ZNF506: variants seen among roughly 807,000 people sequenced by gnomAD.
The protein encoded by ZNF506 is zinc finger protein 506.
A neutral mutation model predicts 11.6 loss-of-function variants in ZNF506; 10 were observed. The observed-to-expected ratio is 0.86, with a 90% CI of 0.53 to 1.46. The LOEUF (loss-of-function observed/expected upper bound fraction) is 1.46. Among genes scored for constraint, ZNF506 ranks in the 40% most tolerant of loss-of-function variants. The probability of loss-of-function intolerance (pLI) is 0.00; values close to 1 mark genes in which losing one functional copy is unlikely to be tolerated. For missense variants in ZNF506, 425 were observed against 521.2 expected (o/e 0.82, Z 1.80); for synonymous variants, 156 against 173.3 (o/e 0.90, Z 0.78).
In ZNF506 at chr19:19,806,922, T is replaced by G; in HGVS notation, c.130+20A>C. ...ACCTTTAGAGTAATATTATGAATTA[T>G]GTACTCAAGTTATCCTCACCAAGGA... On this transcript the variant is annotated intron_variant, in intron 2 of 3. Coordinates refer to ENST00000540806, the MANE Select transcript of ZNF506 (RefSeq NM_001099269.3). 6.2e-7 allele frequency: 1 copy of G among 1,606,798 alleles called. No homozygotes were observed. Among genetic ancestry groups the G allele is most frequent in the Non-Finnish European group, 8.5e-7 (1 of 1,177,664 alleles).
intron 1 of ZNF506, among the ~76,000 whole-genome samples, chr19:19,811,883 C>G (rs2062886252): frequency 6.6e-6 from 1 of 152,124 alleles, no homozygotes. Flanking sequence ...CTAAATAAAG[C>G]CCAAGATTTT....
intron 2 of ZNF506, 90 bp downstream of exon 2, chr19:19,806,852 A>G: frequency 6.8e-7 from 1 of 1,472,660 alleles, no homozygotes. Flanking sequence ...TCTTGTATGC[A>G]AAGAATAAAT....
chr19:19,815,596 A>G (rs1432410926), intron 1 of ZNF506, among the ~76,000 whole-genome samples: 2 of 152,162 alleles, frequency 1.3e-5, no homozygotes, highest in Non-Finnish European at 2.9e-5. Context: ...TTCTGGCACC[A>G]TATCTGTAGA....
intron 1 of ZNF506, among the ~76,000 whole-genome samples, chr19:19,818,376 A>G (rs529832508): frequency 9.2e-5 from 14 of 152,342 alleles, no homozygotes; most frequent in African/African-American, 3.4e-4. Flanking sequence ...TGATGTTTTG[A>G]CGATCTATAT....
intron 3 of ZNF506, among the ~76,000 whole-genome samples, chr19:19,800,888 C>T (rs1002130799): frequency 1.6e-4 from 24 of 151,970 alleles, no homozygotes; most frequent in Non-Finnish European, 1.0e-4. Flanking sequence ...AGGCTGGGAG[C>T]GGTGGCTCGC....
chr19:19,815,048 G>C (rs1162495242), intron 1 of ZNF506, among the ~76,000 whole-genome samples: 1 of 152,140 alleles, frequency 6.6e-6, no homozygotes, highest in Non-Finnish European at 1.5e-5. Flanking sequence ...ACGAGGTCAG[G>C]AGATCGAGAC....
intron 1 of ZNF506, among the ~76,000 whole-genome samples, chr19:19,812,223 C>T (rs1368490225): frequency 1.3e-5 from 2 of 152,236 alleles, no homozygotes; most frequent in African/African-American, 4.8e-5. Context: ...GTCAGCCTGA[C>T]ACAATTCTGC....
chr19:19,796,973 T>C (rs1173565307), intron 3 of ZNF506: 1 of 152,160 alleles, frequency 6.6e-6, no homozygotes, highest in African/African-American at 2.4e-5. Flanking sequence ...GACGATTGAT[T>C]TTCAGACTAT....
At chr19:19,796,335 A>G (rs2062740694) in intron 3 of ZNF506, 1 of 152,150 alleles carries the variant, frequency 6.6e-6, no homozygotes, top group East Asian at 1.9e-4. Flanking sequence ...TTTAAAAAAC[A>G]AGAAAAGTAT....
chr19:19,803,664 A>G (rs2062812658), intron 3 of ZNF506, among the ~76,000 whole-genome samples: 1 of 152,172 alleles, frequency 6.6e-6, no homozygotes, highest in South Asian at 2.1e-4. Context: ...CTTCACTACA[A>G]ATTCAGAGGG....
At chr19:19,811,103 TC>T (rs1187258553) in intron 1 of ZNF506, among the ~76,000 whole-genome samples, 1 of 152,178 alleles carries the variant, frequency 6.6e-6, no homozygotes, top group Non-Finnish European at 1.5e-5. Flanking sequence ...CACTGCCCTG[TC>T]AACTTTATAC....
At chr19:19,795,874 G>T in intron 3 of ZNF506, 1 of 530,418 alleles carries the variant, frequency 1.9e-6, no homozygotes. Flanking sequence ...AGTGTGTAAA[G>T]GGCTCCAGGT....
intron 3 of ZNF506, chr19:19,797,028 T>A (rs1337815801): frequency 6.6e-6 from 1 of 152,208 alleles, no homozygotes; most frequent in Non-Finnish European, 1.5e-5. Flanking sequence ...GGTAGCTTTT[T>A]GTTCATGTCC....
chr19:19,804,131 C>G (rs2062816477), intron 3 of ZNF506, among the ~76,000 whole-genome samples: 1 of 152,026 alleles, frequency 6.6e-6, no homozygotes, highest in Non-Finnish European at 1.5e-5. Flanking sequence ...AAGAAACAAC[C>G]ATCAGAATGA....
chr19:19,793,820 A>C lies in ZNF506; in HGVS notation c.*732T>G, dbSNP rs2062714412. The C allele has an allele frequency of 6.6e-6, 1 of 152,190 alleles. No homozygotes were observed. The highest frequency in any genetic ancestry group is 2.4e-5 in the African/African-American group (1 of 41,438). The allele number at this position is 152,190 out of a possible 1,614,324, so 9.4% of individuals were successfully genotyped here. A position where few individuals can be genotyped will look rare whatever the true frequency, so the allele number is the denominator to read the frequency against. The stretch of plus-strand genomic sequence containing the variant: ...TCACACTTGTAGGAGTTTTGGCAGC[A>C]TTAATTCTCTTACCTACAATCAAGT... On this transcript the variant is annotated 3_prime_UTR_variant, in exon 4 of 4. Transcript: ENST00000540806.
At position 19,820,858 on chromosome 19, in the gene ZNF506, C is replaced by G. The variant is rs533075178; in HGVS notation, c.3+743G>C. The stretch of plus-strand genomic sequence containing the variant: ...GGTGCTCTACAATTCTTGAATCACA[C>G]TTTCATTAAATTATTTGATATTTTT... On this transcript the variant is annotated intron_variant, in intron 1 of 3. Coordinates refer to ENST00000540806, the MANE Select transcript of ZNF506 (RefSeq NM_001099269.3). 1.9e-3 allele frequency among the ~76,000 whole-genome samples: 286 copies of G among 152,222 alleles called. 3 individuals are homozygous for G. The highest frequency in any genetic ancestry group is 6.6e-3 in the African/African-American group (273 of 41,542).
chr19:19,813,969 C>T (rs1385768727), intron 1 of ZNF506, among the ~76,000 whole-genome samples: 2 of 151,704 alleles, frequency 1.3e-5, no homozygotes, highest in Non-Finnish European at 2.9e-5. Flanking sequence ...TAAGTGAGAC[C>T]CTGTCTCCAA....
intron 3 of ZNF506, chr19:19,796,943 T>C (rs1256183689): frequency 1.3e-5 from 2 of 152,134 alleles, no homozygotes; most frequent in Admixed American, 6.5e-5. Flanking sequence ...GTTTGAGAAA[T>C]TCCAAGAATC....
Position 19,796,917 on chromosome 19 carries a change from C to A in ZNF506, c.227-1257G>T, listed in dbSNP as rs570278686. On this transcript the variant is annotated intron_variant, in intron 3 of 3. Transcript: ENST00000540806. ...AAACAACACAAAATTTTAGACAAGA[C>A]ACATCCTAAAAATATGTTTGAGAAA... 4.6e-5 allele frequency: 7 copies of A among 152,192 alleles called. No individual in the cohort carries two copies. In the East Asian group the frequency reaches 1.2e-3, roughly 25 times the overall value. 9.4% of individuals were successfully genotyped at this position (152,192 alleles called of 1,614,324 possible). A position where few individuals can be genotyped will look rare whatever the true frequency, so the allele number is the denominator to read the frequency against.
Sources: gnomAD v4.1 joint callset for allele counts (sites outside exome capture counted in the v4.1 genomes callset) on GRCh38, gnomAD v4.1.1 for gene constraint, MANE v1.5 for transcripts, NCBI Gene and HGNC (gene_info 2026-07-23, HGNC 2026-07-21) for gene names.